Variants in TENM2 observed in about 807,000 individuals in gnomAD.
TENM2 encodes teneurin transmembrane protein 2, also known as teneurin-2.
Under a neutral mutation model 245.2 loss-of-function variants are expected in TENM2, and 52 were observed. That is an observed-to-expected ratio of 0.21 (90% CI 0.17 to 0.27). The LOEUF (loss-of-function observed/expected upper bound fraction) is 0.27. TENM2 is among the 10% of genes least tolerant of loss of function. The probability of loss-of-function intolerance (pLI) is 1.00; values close to 1 mark genes in which losing one functional copy is unlikely to be tolerated. For missense variants in TENM2, 3,046 were observed against 3,666.8 expected, an observed-to-expected ratio of 0.83 and a Z score of 4.37; for synonymous variants, 1,363 against 1,438.9, an observed-to-expected ratio of 0.95 and a Z score of 1.19.
chr5:167,406,655 A>G (rs935543259), intron 2 of TENM2, among the ~76,000 whole-genome samples: 15 of 152,170 alleles, frequency 9.9e-5, no homozygotes, highest in Non-Finnish European at 1.5e-4. Flanking sequence ...AGATGAGGAA[A>G]CTGATTGTCA....
the TENM2 span, among the ~76,000 whole-genome samples, chr5:167,084,327 TTATATATATATA>T: frequency 0.088 from 2,028 of 23,172 alleles, 245 homozygotes; most frequent in African/African-American, 0.15. Flanking sequence ...GCCATTTTAG[TTATATATATATA>T]TATATATATA....
At chr5:167,617,355 TA>T (rs1777858839) in intron 2 of TENM2, among the ~76,000 whole-genome samples, 1 of 152,198 alleles carries the variant, frequency 6.6e-6, no homozygotes, top group African/African-American at 2.4e-5. Context: ...GATAACGTAC[TA>T]TAGTTACGTA....
intron 2 of TENM2, among the ~76,000 whole-genome samples, chr5:167,389,839 C>T (rs1335533986): frequency 3.3e-5 from 5 of 152,242 alleles, no homozygotes; most frequent in East Asian, 1.9e-4. Context: ...AATTACGGAT[C>T]GAAATATTTT....
intron 2 of TENM2, among the ~76,000 whole-genome samples, chr5:167,785,722 A>C (rs1764531217): frequency 6.6e-6 from 1 of 152,238 alleles, no homozygotes; most frequent in African/African-American, 2.4e-5. Context: ...TTACAAATTC[A>C]GACTTTAGAA....
At chr5:167,329,723 T>C (rs1208330432) in intron 1 of TENM2, among the ~76,000 whole-genome samples, 2 of 151,984 alleles carry the variant, frequency 1.3e-5, no homozygotes, top group Non-Finnish European at 2.9e-5. Flanking sequence ...GTATGAGAAA[T>C]GTTGAAGCTG....
At chr5:167,907,742 T>C (rs1284284224) in intron 3 of TENM2, among the ~76,000 whole-genome samples, 1 of 150,826 alleles carries the variant, frequency 6.6e-6, no homozygotes, top group African/African-American at 2.4e-5. Flanking sequence ...ATTTCTACAA[T>C]AAATAAATTA....
At chr5:167,505,877 T>TA (rs750419372) in intron 2 of TENM2, among the ~76,000 whole-genome samples, 13 of 152,128 alleles carry the variant, frequency 8.5e-5, no homozygotes, top group Admixed American at 5.9e-4. Context: ...AAGTCTGTCT[T>TA]ACGGAATTGC....
intron 2 of TENM2, among the ~76,000 whole-genome samples, chr5:167,847,058 G>C (rs947225274): frequency 6.6e-5 from 10 of 152,290 alleles, no homozygotes; most frequent in African/African-American, 2.2e-4. Context: ...CTGGGCTCAA[G>C]CCATCCTCCC....
chr5:167,572,656 G>A (rs1362653694), intron 2 of TENM2, among the ~76,000 whole-genome samples: 1 of 152,200 alleles, frequency 6.6e-6, no homozygotes, highest in Non-Finnish European at 1.5e-5. Flanking sequence ...ATTTAACTGT[G>A]TAATCCTAGC....
rs149827548 is a variant in TENM2 at position 167,408,973 on chromosome 5, T to C, written c.502+33500T>C. ...ATATATATATATACACACACACACA[T>C]ACAATTTTTGAAATGCAAATATGTG... On this transcript the variant is annotated intron_variant, in intron 2 of 28. Transcript: ENST00000518659. Among the ~76,000 whole-genome samples the C allele has an allele frequency of 9.8e-3, 1,485 of 151,008 alleles. 46 individuals are homozygous for C. Among genetic ancestry groups the C allele is most frequent in the East Asian group, 0.09 (465 of 5,158 alleles).
chr5:166,980,750 G>T, the TENM2 span, among the ~76,000 whole-genome samples: 3 of 152,160 alleles, frequency 2.0e-5, no homozygotes, highest in African/African-American at 7.2e-5. Context: ...GGCCTCTGTG[G>T]TACAGCAGGT....
chr5:167,045,563 G>A, the TENM2 span, among the ~76,000 whole-genome samples: 1 of 152,090 alleles, frequency 6.6e-6, no homozygotes, highest in Admixed American at 6.5e-5. Context: ...GTCCTGTGAT[G>A]GCTATTTAGA....
intron 2 of TENM2, among the ~76,000 whole-genome samples, chr5:167,627,609 G>T (rs1213086771): frequency 2.7e-5 from 4 of 150,528 alleles, no homozygotes; most frequent in African/African-American, 9.8e-5. Flanking sequence ...CCAGGCTGGA[G>T]TGCAGTGGTG....
At chr5:168,135,122 G>A (rs2152385461) in intron 12 of TENM2, among the ~76,000 whole-genome samples, 1 of 152,246 alleles carries the variant, frequency 6.6e-6, no homozygotes, top group South Asian at 2.1e-4. Context: ...GGAAAATCAA[G>A]ACTCTCATTG....
the TENM2 span, among the ~76,000 whole-genome samples, chr5:167,151,750 C>A: frequency 6.6e-6 from 1 of 152,174 alleles, no homozygotes; most frequent in Non-Finnish European, 1.5e-5. Context: ...ATCTCTTGAC[C>A]TTGTGATCCA....
Position 167,823,335 on chromosome 5 carries a change from C to T in TENM2, c.503-52651C>T, listed in dbSNP as rs558858348. On this transcript the variant is annotated intron_variant, in intron 2 of 28. Coordinates refer to ENST00000518659, the Ensembl canonical transcript of TENM2. ...TGAAGGTAATTACCGATCCATAAAGCATGCATGTGTGTGTGCATATATGTA... is the reference window on the plus strand; with the variant it reads ...TGAAGGTAATTACCGATCCATAAAGTATGCATGTGTGTGTGCATATATGTA... Among the ~76,000 whole-genome samples, 12 of 152,222 alleles carry T rather than the reference C, an allele frequency of 7.9e-5. 1 individual carries two copies. The South Asian group carries it at 2.5e-3, about 32-fold the overall frequency.
At chr5:167,510,648 GGAAA>G (rs1446085669) in intron 2 of TENM2, among the ~76,000 whole-genome samples, 1 of 147,478 alleles carries the variant, frequency 6.8e-6, no homozygotes, top group Non-Finnish European at 1.5e-5. Context: ...AAGGAAGGAA[GGAAA>G]GAAAGAGAAA....
At chr5:167,977,210 A>G (rs572491623) in intron 4 of TENM2, among the ~76,000 whole-genome samples, 39 of 152,242 alleles carry the variant, frequency 2.6e-4, no homozygotes, top group Middle Eastern at 6.8e-3. Context: ...CAGAAGAAAA[A>G]ATTCCTATTG....
At chr5:168,007,321 G>T (rs1453030611) in intron 5 of TENM2, among the ~76,000 whole-genome samples, 1 of 152,112 alleles carries the variant, frequency 6.6e-6, no homozygotes, top group Non-Finnish European at 1.5e-5. Context: ...TAGAGACGTG[G>T]TTTCACCATG....
Sources: gnomAD v4.1 joint callset for allele counts (sites outside exome capture counted in the v4.1 genomes callset) on GRCh38, gnomAD v4.1.1 for gene constraint, MANE v1.5 for transcripts, NCBI Gene and HGNC (gene_info 2026-07-23, HGNC 2026-07-21) for gene names.